Variants in CFAP299 observed in about 807,000 individuals in gnomAD.
The protein encoded by CFAP299 is cilia and flagella associated protein 299.
CFAP299 carries 21 observed loss-of-function variants against 27.0 expected under a neutral mutation model. The ratio of observed to expected loss-of-function variants is 0.78; its 90% confidence interval spans 0.55 to 1.12. The LOEUF is 1.12. CFAP299 is among the 50% of genes most tolerant of loss of function. The pLI is 0.00. For missense variants in CFAP299, 310 were observed against 276.6 expected (o/e 1.12, Z -0.86); for synonymous variants, 104 against 98.1 (o/e 1.06, Z -0.36).
chr4:80,891,785 A>AAAAAAT (rs370608225), intron 4 of CFAP299, among the ~76,000 whole-genome samples: 3 of 115,896 alleles, frequency 2.6e-5, no homozygotes, highest in East Asian at 2.8e-4. Context: ...AATTAAAAAA[A>AAAAAAT]AAATAAAAAA....
At chr4:80,652,649 C>T (rs182274205) in intron 3 of CFAP299, among the ~76,000 whole-genome samples, 2 of 152,226 alleles carry the variant, frequency 1.3e-5, no homozygotes, top group Admixed American at 1.3e-4. Flanking sequence ...TTGAATGCAT[C>T]ATATGAACCC....
chr4:80,738,783 T>G (rs903166658), intron 3 of CFAP299, among the ~76,000 whole-genome samples: 1 of 151,992 alleles, frequency 6.6e-6, no homozygotes, highest in Non-Finnish European at 1.5e-5. Context: ...TATTATCTGT[T>G]TTCTGGTTGT....
intron 3 of CFAP299, among the ~76,000 whole-genome samples, chr4:80,629,358 GT>G (rs1443968395): frequency 3.3e-5 from 5 of 152,060 alleles, no homozygotes; most frequent in Non-Finnish European, 5.9e-5. Flanking sequence ...TAAAATTTCA[GT>G]TAGATAAGAG....
chr4:80,857,102 C>G (rs893473511), intron 3 of CFAP299, among the ~76,000 whole-genome samples: 12 of 152,154 alleles, frequency 7.9e-5, no homozygotes, highest in Admixed American at 7.2e-4. Flanking sequence ...TGTAGTTCTT[C>G]TTGAAGATGT....
At chr4:80,806,039 A>G (rs1016585540) in intron 3 of CFAP299, among the ~76,000 whole-genome samples, 3 of 152,228 alleles carry the variant, frequency 2.0e-5, no homozygotes, top group African/African-American at 7.2e-5. Flanking sequence ...AAGATATCTT[A>G]AATGACAGAA....
chr4:80,562,189 G>GA (rs1410922250), intron 2 of CFAP299, among the ~76,000 whole-genome samples: 2 of 151,720 alleles, frequency 1.3e-5, no homozygotes, highest in Non-Finnish European at 2.9e-5. Flanking sequence ...TACCACCAGA[G>GA]AAAAAATCAC....
chr4:80,713,934 C>A (rs983821713), intron 3 of CFAP299, among the ~76,000 whole-genome samples: 2 of 152,046 alleles, frequency 1.3e-5, no homozygotes, highest in African/African-American at 4.8e-5. Context: ...AATGAATATT[C>A]AAACTCCAGG....
intron 3 of CFAP299, among the ~76,000 whole-genome samples, chr4:80,752,654 A>C (rs1725002725): frequency 6.6e-6 from 1 of 151,378 alleles, no homozygotes; most frequent in African/African-American, 2.4e-5. Context: ...TACTCATTTA[A>C]ATGTGGCAAA....
At chr4:80,827,975 T>C (rs1730077903) in intron 3 of CFAP299, among the ~76,000 whole-genome samples, 1 of 152,044 alleles carries the variant, frequency 6.6e-6, no homozygotes, top group Admixed American at 6.6e-5. Flanking sequence ...ATAAAATACT[T>C]AGGAATTAAC....
At chr4:80,489,559 C>T (rs765493256) in intron 2 of CFAP299, among the ~76,000 whole-genome samples, 2 of 152,068 alleles carry the variant, frequency 1.3e-5, no homozygotes, top group Admixed American at 1.3e-4. Flanking sequence ...TAGGGAAAGA[C>T]GTATGATGAG....
chr4:80,371,909 C>T (rs999389470), intron 2 of CFAP299, among the ~76,000 whole-genome samples: 10 of 152,194 alleles, frequency 6.6e-5, no homozygotes, highest in Non-Finnish European at 8.8e-5. Context: ...CTGCCCATTA[C>T]CCAGTTCCAA....
intron 5 of CFAP299, among the ~76,000 whole-genome samples, chr4:80,963,195 T>C (rs1486444624): frequency 6.6e-6 from 1 of 152,068 alleles, no homozygotes; most frequent in African/African-American, 2.4e-5. Context: ...TGAAGTCACA[T>C]GTGTTTGTAA....
At chr4:80,896,397 T>C (rs1734610819) in intron 4 of CFAP299, among the ~76,000 whole-genome samples, 1 of 152,256 alleles carries the variant, frequency 6.6e-6, no homozygotes, top group South Asian at 2.1e-4. Flanking sequence ...TGTAATGTTT[T>C]ATAGGCAGGA....
rs551921422 is a variant in CFAP299, at chr4:80,956,645, A to C, written c.607-6872A>C. On this transcript the variant is annotated intron_variant, in intron 5 of 5. Coordinates refer to ENST00000358105, the MANE Select transcript of CFAP299 (RefSeq NM_152770.3). ...TTTCTTTTTTTTTTTTTATAGTGAC[A>C]GTATGTTGCCTGGGCTGGTCTCCAA... Among the ~76,000 whole-genome samples the C allele has an allele frequency of 7.6e-4, 115 of 151,370 alleles. 1 individual carries two copies. Among genetic ancestry groups the C allele is most frequent in the Non-Finnish European group, 1.3e-3 (85 of 67,854 alleles).
intron 3 of CFAP299, among the ~76,000 whole-genome samples, chr4:80,786,029 C>T (rs1016952490): frequency 3.3e-5 from 5 of 152,028 alleles, no homozygotes; most frequent in African/African-American, 1.2e-4. Context: ...TTTTAATGTT[C>T]AAAAGGACCT....
Position 80,622,673 on chromosome 4 carries a change from A to G in CFAP299, c.333+39490A>G, listed in dbSNP as rs113460117. Among the ~76,000 whole-genome samples, 154 of 152,280 alleles carry G rather than the reference A, an allele frequency of 1.0e-3. No individual in the cohort carries two copies. In the South Asian group the frequency reaches 0.014, roughly 14 times the overall value. On this transcript the variant is annotated intron_variant, in intron 3 of 5. Transcript: ENST00000358105. ...TGTCTACATCAAATAATATCAGTGA[A>G]AGATTAAAAAATTAAGAAAACCTAT...
chr4:80,766,194 A>G (rs1725851888), intron 3 of CFAP299, among the ~76,000 whole-genome samples: 7 of 152,172 alleles, frequency 4.6e-5, no homozygotes, highest in Admixed American at 3.9e-4. Flanking sequence ...AAAAACTCCA[A>G]TCACCTATAA....
chr4:80,614,239 G>A (rs1385890), intron 3 of CFAP299, among the ~76,000 whole-genome samples: 94,925 of 152,028 alleles, frequency 0.62, 33,758 homozygotes, highest in Non-Finnish European at 0.79. Context: ...AAAATTAACG[G>A]CTACTTAGAA....
At chr4:80,884,859 C>A (rs568893474) in intron 4 of CFAP299, among the ~76,000 whole-genome samples, 78 of 152,220 alleles carry the variant, frequency 5.1e-4, no homozygotes, top group Middle Eastern at 3.4e-3. Context: ...CACATAAAAG[C>A]ACAATCACAA....
Sources: gnomAD v4.1 joint callset for allele counts (sites outside exome capture counted in the v4.1 genomes callset) on GRCh38, gnomAD v4.1.1 for gene constraint, MANE v1.5 for transcripts, NCBI Gene and HGNC (gene_info 2026-07-23, HGNC 2026-07-21) for gene names.